The following NUP98 variants were observed in gnomAD, a reference collection of about 807,000 sequenced individuals.
NUP98 encodes nuclear pore complex protein Nup98-Nup96.
NUP98 carries 26 observed loss-of-function variants against 191.9 expected under a neutral mutation model. That is an observed-to-expected ratio of 0.14 (90% CI 0.10 to 0.19). The LOEUF is 0.19. Ranked by LOEUF, NUP98 falls within the 10% of genes least tolerant of loss-of-function variation. The pLI is 1.00. For missense variants in NUP98, 1,941 were observed against 2,178.8 expected, an observed-to-expected ratio of 0.89 and a Z score of 2.17; for synonymous variants, 808 against 778.4, an observed-to-expected ratio of 1.04 and a Z score of -0.63.
intron 20 of NUP98, 53 bp from the exon 21 acceptor site, chr11:3,706,680 A>G: frequency 6.8e-7 from 1 of 1,472,414 alleles, no homozygotes; most frequent in Admixed American, 1.8e-5. Context: ...CCAAACAGAA[A>G]TAGATTCTAA....
chr11:3,716,683 G>C (rs144994212), intron 18 of NUP98, among the ~76,000 whole-genome samples: 2 of 152,228 alleles, frequency 1.3e-5, no homozygotes, highest in East Asian at 3.9e-4. Flanking sequence ...ACTCAAGCCT[G>C]GGTGACACAG....
intron 11 of NUP98, among the ~76,000 whole-genome samples, chr11:3,751,146 G>C (rs1356028686): frequency 6.6e-6 from 1 of 152,068 alleles, no homozygotes; most frequent in Non-Finnish European, 1.5e-5. Flanking sequence ...ATCACCTGAG[G>C]TCAGGGGTTT....
At chr11:3,762,160 A>T (rs182201794) in intron 9 of NUP98, among the ~76,000 whole-genome samples, 2 of 152,030 alleles carry the variant, frequency 1.3e-5, no homozygotes, top group Non-Finnish European at 2.9e-5. Flanking sequence ...CCCAGGCTAG[A>T]GTGCAATAGC....
intron 12 of NUP98, among the ~76,000 whole-genome samples, chr11:3,738,107 A>AAAAAAAAAAAAAACC (rs1554894745): frequency 1.7e-4 from 25 of 147,548 alleles, no homozygotes; most frequent in Non-Finnish European, 2.9e-4. Flanking sequence ...AAAAAAAAAA[A>AAAAAAAAAAAAAACC]CCAAAGACTT....
intron 4 of NUP98, 49 bp from the exon 5 acceptor site, chr11:3,776,070 A>C (rs201908031): frequency 3.0e-4 from 421 of 1,424,584 alleles, no homozygotes; most frequent in Non-Finnish European, 4.0e-4. Flanking sequence ...AAATTTAAGA[A>C]TGTATAAGAT....
chr11:3,786,165 G>T (rs2082134317), intron 1 of NUP98, among the ~76,000 whole-genome samples: 1 of 152,190 alleles, frequency 6.6e-6, no homozygotes, highest in African/African-American at 2.4e-5. Flanking sequence ...AGCGGCCAAT[G>T]CTTCTAGAGT....
At chr11:3,711,983 G>A in intron 20 of NUP98, 1 of 1,046,296 alleles carries the variant, frequency 9.6e-7, no homozygotes, top group East Asian at 5.6e-5. Flanking sequence ...AATGATACAA[G>A]TAATTGCGAT....
intron 31 of NUP98, among the ~76,000 whole-genome samples, chr11:3,676,867 T>G (rs1027813312): frequency 2.6e-5 from 4 of 152,182 alleles, no homozygotes; most frequent in Admixed American, 6.5e-5. Context: ...TCCCGAACTA[T>G]ACAGCAAGCT....
chr11:3,758,183 T>C (rs1260694602), intron 10 of NUP98, among the ~76,000 whole-genome samples: 3 of 148,028 alleles, frequency 2.0e-5, no homozygotes, highest in African/African-American at 7.5e-5. Flanking sequence ...TAGCCGGGGG[T>C]GGTGGTGGGT....
chr11:3,692,164 A>G (rs2078332377), intron 27 of NUP98, among the ~76,000 whole-genome samples: 1 of 152,114 alleles, frequency 6.6e-6, no homozygotes, highest in South Asian at 2.1e-4. Context: ...TAAGAAAAAA[A>G]AATTTTTTTT....
At chr11:3,758,277 G>A (rs1389497686) in intron 10 of NUP98, among the ~76,000 whole-genome samples, 1 of 150,922 alleles carries the variant, frequency 6.6e-6, no homozygotes, top group Non-Finnish European at 1.5e-5. Flanking sequence ...GCCCATATCT[G>A]GCCACTGCAC....
chr11:3,687,790 G>A (rs1263783485), intron 28 of NUP98, among the ~76,000 whole-genome samples: 4 of 152,210 alleles, frequency 2.6e-5, no homozygotes, highest in East Asian at 1.9e-4. Context: ...GGCCGGGTGC[G>A]GTGGCTCACG....
intron 22 of NUP98, among the ~76,000 whole-genome samples, chr11:3,703,471 C>A (rs575497188): frequency 6.6e-6 from 1 of 152,262 alleles, no homozygotes; most frequent in South Asian, 2.1e-4. Flanking sequence ...CTGCCTCAGC[C>A]TCCTAGAGTG....
intron 1 of NUP98, among the ~76,000 whole-genome samples, chr11:3,785,652 G>C (rs778705327): frequency 6.6e-5 from 10 of 152,056 alleles, no homozygotes; most frequent in Non-Finnish European, 2.9e-5. Context: ...CCAGCTACTC[G>C]GGTGGCTAAG....
chr11:3,705,411 C>G, intron 21 of NUP98, 55 bp from the exon 22 acceptor site: 1 of 1,569,938 alleles, frequency 6.4e-7, no homozygotes, highest in Non-Finnish European at 8.7e-7. Flanking sequence ...AAAGGCCATA[C>G]CAAAAAAAAA....
intron 11 of NUP98, among the ~76,000 whole-genome samples, chr11:3,751,116 T>C (rs1471650056): frequency 6.6e-6 from 1 of 151,268 alleles, no homozygotes; most frequent in Non-Finnish European, 1.5e-5. Context: ...CCCAGCACTT[T>C]GGGAGGCCGA....
chr11:3,702,307 ACACACACTCT>A (rs1396364549), intron 23 of NUP98, among the ~76,000 whole-genome samples, 146 bp downstream of exon 23: 45 of 57,924 alleles, frequency 7.8e-4, no homozygotes, highest in Admixed American at 2.8e-3. Context: ...ACACACACAC[ACACACACTCT>A]CTCTCTCTCT....
Position 3,731,262 on chromosome 11 carries a change from T to TCAAAAA in NUP98, c.1730+123_1730+128dup, listed in dbSNP as rs775050757. On this transcript the variant is annotated intron_variant, in intron 14 of 32. Coordinates refer to ENST00000324932, the MANE Select transcript of NUP98 (RefSeq NM_016320.5). ...CTGGGTGACAGAGTAAGACTCTGTC[T>TCAAAAA]CAAAAACAAAAACAAAAACAAAGTG... 1.7e-5 allele frequency: 10 copies of TCAAAAA among 603,290 alleles called. 1 individual carries two copies. Among genetic ancestry groups the TCAAAAA allele is most frequent in the South Asian group, 1.0e-4 (2 of 19,090 alleles). 37.4% of individuals were successfully genotyped at this position (603,290 alleles called of 1,614,324 possible).
At chr11:3,698,965 G>T in intron 25 of NUP98, 117 bp downstream of exon 25, 1 of 1,152,388 alleles carries the variant, frequency 8.7e-7, no homozygotes, top group Non-Finnish European at 1.2e-6. Context: ...TGGGAAGTCC[G>T]CAATTAATAC....
Sources: gnomAD v4.1 joint callset for allele counts (sites outside exome capture counted in the v4.1 genomes callset) on GRCh38, gnomAD v4.1.1 for gene constraint, MANE v1.5 for transcripts, NCBI Gene and HGNC (gene_info 2026-07-23, HGNC 2026-07-21) for gene names.